MLF2: variants seen among roughly 807,000 people sequenced by gnomAD.
The protein encoded by MLF2 is myelodysplasia-myeloid leukemia factor 2.
Under a neutral mutation model 31.4 loss-of-function variants are expected in MLF2, and 12 were observed. The observed-to-expected ratio is 0.38, with a 90% confidence interval of 0.24 to 0.62. The LOEUF is 0.62. MLF2 is among the 20% of genes least tolerant of loss of function. The pLI, the probability that MLF2 is intolerant of heterozygous loss-of-function variation, is 0.58. For missense variants in MLF2, 272 were observed against 359.7 expected (o/e 0.76, Z 1.97); for synonymous variants, 109 against 118.8 (o/e 0.92, Z 0.54).
rs948353006 is a variant in MLF2, at chr12:6,749,281, G to A, written c.560-299C>T. Among the ~76,000 whole-genome samples, 4 of 151,374 alleles carry A rather than the reference G, an allele frequency of 2.6e-5. No homozygotes were observed. The highest frequency in any genetic ancestry group is 4.4e-5 in the Non-Finnish European group (3 of 67,806). ...TGCGGATTTGAAAAAGATAAAGAGG[G>A]GAGAAAGAAACGGATCAAGGTGGAG... On this transcript the variant is annotated intron_variant, in intron 7 of 8. Transcript: ENST00000203630. This position sits in a 1 kb window ranked among gnomAD's most constrained non-coding sequence, Gnocchi z 5.3.
rs1941574271 is a variant in MLF2 at position 6,749,322 on chromosome 12, T to C, written c.560-340A>G. Among the ~76,000 whole-genome samples the C allele has an allele frequency of 6.6e-6, 1 of 152,204 alleles. No individual in the cohort carries two copies. The highest frequency in any genetic ancestry group is 6.5e-5 in the Admixed American group (1 of 15,286). Reference sequence around the variant, plus strand: ...CAAGGTGGAGAAGGGTGTAACACTATCAATACGGAACTTCAGGGACAAAGT... The same window carrying C: ...CAAGGTGGAGAAGGGTGTAACACTACCAATACGGAACTTCAGGGACAAAGT... On this transcript the variant is annotated intron_variant, in intron 7 of 8. Coordinates refer to ENST00000203630, the MANE Select transcript of MLF2 (RefSeq NM_001382226.1). This position sits in a 1 kb window ranked among gnomAD's most constrained non-coding sequence, Gnocchi z 5.3.
Position 6,748,692 on chromosome 12 carries a change from G to C in MLF2, c.*25+78C>G. Reference sequence around the variant, plus strand: ...TTGTACTACCAAAGGCAGCTCCTGCGGGAGCCTGAACTGAGCCTGCCTTGC... The same window carrying C: ...TTGTACTACCAAAGGCAGCTCCTGCCGGAGCCTGAACTGAGCCTGCCTTGC... On this transcript the variant is annotated intron_variant, in intron 8 of 8. Transcript: ENST00000203630. This position sits in a 1 kb window ranked among gnomAD's most constrained non-coding sequence, Gnocchi z 4.6. 8.9e-7 allele frequency: 1 copy of C among 1,127,016 alleles called. No homozygotes were observed. Among genetic ancestry groups the C allele is most frequent in the Non-Finnish European group, 1.2e-6 (1 of 814,094 alleles). 69.8% of individuals were successfully genotyped at this position (1,127,016 alleles called of 1,614,324 possible).
Position 6,750,241 on chromosome 12 carries a change from T to C in MLF2, c.335A>G (p.Asn112Ser), listed in dbSNP as rs143195113. ...GACCTTGGGGGCACCATCACCCGTATTGGAGTAGGAGATGACAGTGGAAGA... is the reference window on the plus strand; with the variant it reads ...GACCTTGGGGGCACCATCACCCGTACTGGAGTAGGAGATGACAGTGGAAGA... ...FSSSTVISYS[N>S]TGDGAPKVYQ... Residue 112 changes from asparagine (N) to serine (S), a missense_variant, in exon 6 of 9, where the codon AAT (asparagine) becomes AGT (serine). By Grantham distance (46) the Asn-to-Ser change is conservative (BLOSUM62 1). Coordinates refer to ENST00000203630, the MANE Select transcript of MLF2 (RefSeq NM_001382226.1). The surrounding 1 kb of genome is among the most constrained non-coding windows in gnomAD (Gnocchi z 5.3). 408 of 1,614,152 alleles carry C rather than the reference T, an allele frequency of 2.5e-4. No individual in the cohort carries two copies. The highest frequency in any genetic ancestry group is 8.2e-4 in the Middle Eastern group (5 of 6,062).
At position 6,750,374 on chromosome 12, in the gene MLF2, T is replaced by G. The variant is rs1941596046; in HGVS notation, c.271-69A>C. 1 of 1,550,864 alleles carries G rather than the reference T, an allele frequency of 6.4e-7. No individual in the cohort carries two copies. The highest frequency in any genetic ancestry group is 1.4e-5 in the African/African-American group (1 of 73,528). On this transcript the variant is annotated intron_variant, in intron 5 of 8. Coordinates refer to ENST00000203630, the MANE Select transcript of MLF2 (RefSeq NM_001382226.1). The surrounding 1 kb of genome is among the most constrained non-coding windows in gnomAD (Gnocchi z 5.3). The stretch of plus-strand genomic sequence containing the variant: ...ACCCCTGGTGAAGGGATTTCACCCT[T>G]CAGCTGCCTGTTCTAGCCTGTATCT...
In MLF2 at chr12:6,752,808, C is replaced by T. The variant is rs1941637291; in HGVS notation, c.-29+131G>A. The T allele has an allele frequency of 1.2e-5, 2 of 167,168 alleles. No individual in the cohort carries two copies. Among genetic ancestry groups the T allele is most frequent in the Non-Finnish European group, 2.6e-5 (2 of 77,666 alleles). 10.4% of individuals were successfully genotyped at this position (167,168 alleles called of 1,614,324 possible). Reference sequence around the variant, plus strand: ...CTGTCTGCGACTCCTCTAGCTCCCGCCTCCCCGCCAGGCGAGCAGGAGAGG... The same window carrying T: ...CTGTCTGCGACTCCTCTAGCTCCCGTCTCCCCGCCAGGCGAGCAGGAGAGG... On this transcript the variant is annotated intron_variant, in intron 1 of 8. Transcript: ENST00000203630. The surrounding 1 kb of genome is among the most constrained non-coding windows in gnomAD (Gnocchi z 4.6).
rs1261745378 is a variant in MLF2, at chr12:6,749,236, C to T, written c.560-254G>A. ...CAGTTCAGGTTCACAGTCCTATGTGCACACTAGGTACTTAATAATTGCGGA... is the reference window on the plus strand; with the variant it reads ...CAGTTCAGGTTCACAGTCCTATGTGTACACTAGGTACTTAATAATTGCGGA... On this transcript the variant is annotated intron_variant, in intron 7 of 8. Coordinates refer to ENST00000203630, the MANE Select transcript of MLF2 (RefSeq NM_001382226.1). The surrounding 1 kb of genome is among the most constrained non-coding windows in gnomAD (Gnocchi z 5.3). Among the ~76,000 whole-genome samples, 1 of 152,208 alleles carries T rather than the reference C, an allele frequency of 6.6e-6. No individual in the cohort carries two copies. Among genetic ancestry groups the T allele is most frequent in the Non-Finnish European group, 1.5e-5 (1 of 68,032 alleles).
Position 6,750,171 on chromosome 12 carries a change from A to G in MLF2, c.399+6T>C. 6.8e-6 allele frequency: 11 copies of G among 1,613,950 alleles called. No homozygotes were observed. Among genetic ancestry groups the G allele is most frequent in the Non-Finnish European group, 9.3e-6 (11 of 1,179,998 alleles). On this transcript the variant is annotated splice_donor_region_variant and intron_variant, in intron 6 of 8. Transcript: ENST00000203630. This position sits in a 1 kb window ranked among gnomAD's most constrained non-coding sequence, Gnocchi z 5.3. ...TTCTCTGGGACAGGAGGGCTCCCCA[A>G]CTCACCCCGCCTGGTGCCGAGCGCA...
rs1431126183 is a variant in MLF2, at chr12:6,750,756, A to T, written c.227T>A (p.Phe76Tyr). Residue 76 changes from phenylalanine to tyrosine, a missense_variant, in exon 5 of 9, where the codon TTC (phenylalanine) becomes TAC (tyrosine). Coordinates refer to ENST00000203630, the MANE Select transcript of MLF2 (RefSeq NM_001382226.1). This position sits in a 1 kb window ranked among gnomAD's most constrained non-coding sequence, Gnocchi z 5.3. ...ATTCATCATCCCAAACATGTCCATG[A>T]AACCACCCGACTGGAGGAAAGAGAT... ...PFGMLGMSGG[F>Y]MDMFGMMNDM... The T allele has an allele frequency of 6.2e-7, 1 of 1,613,962 alleles. No individual in the cohort carries two copies. The highest frequency in any genetic ancestry group is 1.3e-5 in the African/African-American group (1 of 74,914).
In MLF2 at chr12:6,752,755, C is replaced by A. The variant is rs1161072625; in HGVS notation, c.-29+184G>T. 3 of 174,278 alleles carry A rather than the reference C, an allele frequency of 1.7e-5. No individual in the cohort carries two copies. Among genetic ancestry groups the A allele is most frequent in the Non-Finnish European group, 2.4e-5 (2 of 81,726 alleles). 10.8% of individuals were successfully genotyped at this position (174,278 alleles called of 1,614,324 possible). ...CCCCTCCTTACACTCAGGCCTCCCC[C>A]AGGCGGGCCTCACTAAGCCCCCCGC... On this transcript the variant is annotated intron_variant, in intron 1 of 8. Transcript: ENST00000203630. This position sits in a 1 kb window ranked among gnomAD's most constrained non-coding sequence, Gnocchi z 4.6.
chr12:6,749,936 G>A lies in MLF2; in HGVS notation c.471C>T (p.Ile157=). 1.2e-6 allele frequency: 2 copies of A among 1,614,234 alleles called. No individual in the cohort carries two copies. The highest frequency in any genetic ancestry group is 1.7e-6 in the Non-Finnish European group (2 of 1,180,050). The change falls in exon 7 of 9, where the codon ATC becomes ATT. Residue 157 remains isoleucine (I), a synonymous_variant. Coordinates refer to ENST00000203630, the MANE Select transcript of MLF2 (RefSeq NM_001382226.1). The surrounding 1 kb of genome is among the most constrained non-coding windows in gnomAD (Gnocchi z 5.3). The part of the protein sequence containing the change: ...GLEQMSIGHH[I]RDRAHILQRS... Reference sequence around the variant, plus strand: ...GCTGGAGGATGTGAGCCCTGTCCCGGATGTGATGCCCAATGGACATCTGCT... The same window carrying A: ...GCTGGAGGATGTGAGCCCTGTCCCGAATGTGATGCCCAATGGACATCTGCT...
chr12:6,750,699 G>A lies in MLF2; in HGVS notation c.270+14C>T, dbSNP rs1470775673. 2 of 1,613,592 alleles carry A rather than the reference G, an allele frequency of 1.2e-6. No homozygotes were observed. Among genetic ancestry groups the A allele is most frequent in the Admixed American group, 3.3e-5 (2 of 60,002 alleles). On this transcript the variant is annotated intron_variant, in intron 5 of 8. Transcript: ENST00000203630. This position sits in a 1 kb window ranked among gnomAD's most constrained non-coding sequence, Gnocchi z 5.3. ...TGAGAGCAAGGCCGGGGAAGGGTATGGGGCAAGTCTCACCATGTTTCCAAT... is the reference window on the plus strand; with the variant it reads ...TGAGAGCAAGGCCGGGGAAGGGTATAGGGCAAGTCTCACCATGTTTCCAAT...
At position 6,752,382 on chromosome 12, in the gene MLF2, C is replaced by T. The variant is rs1167559645; in HGVS notation, c.-28-20G>A. The T allele has an allele frequency of 6.5e-7, 1 of 1,547,382 alleles. No individual in the cohort carries two copies. Among genetic ancestry groups the T allele is most frequent in the Non-Finnish European group, 8.7e-7 (1 of 1,142,912 alleles). On this transcript the variant is annotated intron_variant, in intron 1 of 8. Coordinates refer to ENST00000203630, the MANE Select transcript of MLF2 (RefSeq NM_001382226.1). This position sits in a 1 kb window ranked among gnomAD's most constrained non-coding sequence, Gnocchi z 4.6. Reference sequence around the variant, plus strand: ...TCCACACTGGAAAGATATGGAAGCTCAGATACTTGGAGGTGGCCAGGGTTT... The same window carrying T: ...TCCACACTGGAAAGATATGGAAGCTTAGATACTTGGAGGTGGCCAGGGTTT...
In MLF2 at chr12:6,750,693, G is replaced by A; in HGVS notation, c.270+20C>T. Reference sequence around the variant, plus strand: ...CATCACTGAGAGCAAGGCCGGGGAAGGGTATGGGGCAAGTCTCACCATGTT... The same window carrying A: ...CATCACTGAGAGCAAGGCCGGGGAAAGGTATGGGGCAAGTCTCACCATGTT... On this transcript the variant is annotated intron_variant, in intron 5 of 8. Transcript: ENST00000203630. The surrounding 1 kb of genome is among the most constrained non-coding windows in gnomAD (Gnocchi z 5.3). 1.2e-6 allele frequency: 2 copies of A among 1,613,026 alleles called. No homozygotes were observed. Among genetic ancestry groups the A allele is most frequent in the Middle Eastern group, 1.7e-4 (1 of 6,054 alleles).
chr12:6,751,705 A>G (rs761742693), intron 3 of MLF2, 29 bp from the exon 4 acceptor site: 1 of 1,613,286 alleles, frequency 6.2e-7, no homozygotes, highest in Non-Finnish European at 8.5e-7. Context: ...AACAGAAATT[A>G]GAGACCACAT....
Position 6,750,396 on chromosome 12 carries a change from A to G in MLF2, c.271-91T>C. 4.8e-6 allele frequency: 7 copies of G among 1,468,040 alleles called. No homozygotes were observed. The South Asian group carries it at 7.9e-5, about 16-fold the overall frequency. The allele number at this position is 1,468,040 out of a possible 1,614,324, so 90.9% of individuals were successfully genotyped here. ...CCTTCAGCTGCCTGTTCTAGCCTGT[A>G]TCTTTCTCACAAAATGCAAGAACTG... On this transcript the variant is annotated intron_variant, in intron 5 of 8. Coordinates refer to ENST00000203630, the MANE Select transcript of MLF2 (RefSeq NM_001382226.1). This position sits in a 1 kb window ranked among gnomAD's most constrained non-coding sequence, Gnocchi z 5.3.
chr12:6,752,192 G>C lies in MLF2; in HGVS notation c.50+93C>G, dbSNP rs1480131555. ...TAGGTAGGAGCTAGGTATCCAGCCA[G>C]TTCCAACCATTCCTAGCAATGGGAA... On this transcript the variant is annotated intron_variant, in intron 2 of 8. Coordinates refer to ENST00000203630, the MANE Select transcript of MLF2 (RefSeq NM_001382226.1). This position sits in a 1 kb window ranked among gnomAD's most constrained non-coding sequence, Gnocchi z 4.6. 6.5e-7 allele frequency: 1 copy of C among 1,541,068 alleles called. No homozygotes were observed. Among genetic ancestry groups the C allele is most frequent in the Admixed American group, 1.9e-5 (1 of 51,564 alleles).
At position 6,752,078 on chromosome 12, in the gene MLF2, G is replaced by C; in HGVS notation, c.51-24C>G. The C allele has an allele frequency of 6.2e-7, 1 of 1,613,812 alleles. No homozygotes were observed. The highest frequency in any genetic ancestry group is 1.1e-5 in the South Asian group (1 of 91,062). ...CCCTGTGGAGTGAGCACATAGTATG[G>C]ATGGCAGAAGCGCCAAACTGTCAAT... On this transcript the variant is annotated intron_variant, in intron 2 of 8. Coordinates refer to ENST00000203630, the MANE Select transcript of MLF2 (RefSeq NM_001382226.1). This position sits in a 1 kb window ranked among gnomAD's most constrained non-coding sequence, Gnocchi z 4.6.
rs138521263 is a variant in MLF2 at position 6,752,326 on chromosome 12, G to A, written c.9C>T (p.Arg3=). The part of the protein sequence containing the change: MF[R]FMRDVEPEDP... ...CCTCAGGCTCCACGTCCCTCATGAA[G>A]CGGAACATCCTGATCTCAGCTCCAG... Residue 3 remains arginine (R), a synonymous_variant, in exon 2 of 9, where the codon CGC becomes CGT. Transcript: ENST00000203630. The surrounding 1 kb of genome is among the most constrained non-coding windows in gnomAD (Gnocchi z 4.6). 2.6e-5 allele frequency: 41 copies of A among 1,561,064 alleles called. 2 individuals are homozygous for A. In the Middle Eastern group the frequency reaches 3.8e-3, roughly 146 times the overall value.
At position 6,749,414 on chromosome 12, in the gene MLF2, A is replaced by G. The variant is rs979486722; in HGVS notation, c.560-432T>C. On this transcript the variant is annotated intron_variant, in intron 7 of 8. Transcript: ENST00000203630. The surrounding 1 kb of genome is among the most constrained non-coding windows in gnomAD (Gnocchi z 5.3). ...AGCGGAGGAGGCTCCAAGTGCGGTAAGAATATGGGACTGACAGTTGGGTGC... is the reference window on the plus strand; with the variant it reads ...AGCGGAGGAGGCTCCAAGTGCGGTAGGAATATGGGACTGACAGTTGGGTGC... Among the ~76,000 whole-genome samples the G allele has an allele frequency of 6.6e-6, 1 of 152,232 alleles. No homozygotes were observed. The highest frequency in any genetic ancestry group is 2.4e-5 in the African/African-American group (1 of 41,466).
Sources: gnomAD v4.1 joint callset for allele counts (sites outside exome capture counted in the v4.1 genomes callset) on GRCh38, gnomAD v4.1.1 for gene constraint, Gnocchi (gnomAD v3.1) non-coding constraint, MANE v1.5 for transcripts, NCBI Gene and HGNC (gene_info 2026-07-23, HGNC 2026-07-21) for gene names.